Variants in IGFBP5 observed in about 807,000 individuals in gnomAD.
IGFBP5 encodes the protein insulin-like growth factor-binding protein 5.
A neutral mutation model predicts 28.0 loss-of-function variants in IGFBP5; 12 were observed. The observed-to-expected ratio is 0.43, with a 90% CI of 0.27 to 0.69. IGFBP5 has a LOEUF of 0.69. Among genes scored for constraint, IGFBP5 ranks in the 30% least tolerant of loss-of-function variants. The pLI is 0.20. For missense variants in IGFBP5, 344 were observed against 381.6 expected, an observed-to-expected ratio of 0.90 and a Z score of 0.82; for synonymous variants, 152 against 150.2, an observed-to-expected ratio of 1.01 and a Z score of -0.09.
intron 1 of IGFBP5, among the ~76,000 whole-genome samples, chr2:216,685,647 G>T (rs1689025867): frequency 6.6e-6 from 1 of 152,224 alleles, no homozygotes; most frequent in Admixed American, 6.5e-5. Flanking sequence ...TTGAAAAAAT[G>T]TAAGACATGT....
rs970770754 is a variant in IGFBP5, at chr2:216,674,526, C to G, written c.*2225G>C. 1 of 152,300 alleles carries G rather than the reference C, an allele frequency of 6.6e-6. No individual in the cohort carries two copies. Among genetic ancestry groups the G allele is most frequent in the Non-Finnish European group, 1.5e-5 (1 of 68,088 alleles). 9.4% of individuals were successfully genotyped at this position (152,300 alleles called of 1,614,324 possible). ...CTATTCCTCTTCGTAGCCCCAAATTCGTTGTTGGAGGCGGTCTCCGCTGTG... is the reference window on the plus strand; with the variant it reads ...CTATTCCTCTTCGTAGCCCCAAATTGGTTGTTGGAGGCGGTCTCCGCTGTG... On this transcript the variant is annotated 3_prime_UTR_variant, in exon 4 of 4. Coordinates refer to ENST00000233813, the MANE Select transcript of IGFBP5 (RefSeq NM_000599.4). The surrounding 1 kb of genome is among the most constrained non-coding windows in gnomAD (Gnocchi z 4.4).
At chr2:216,677,011 C>T in intron 3 of IGFBP5, 129 bp from the exon 4 acceptor site, 1 of 968,440 alleles carries the variant, frequency 1.0e-6, no homozygotes, top group Non-Finnish European at 1.5e-6. Context: ...TAGACCCGAC[C>T]CTTGGGTTTC....
At chr2:216,685,490 A>G (rs1464746651) in intron 1 of IGFBP5, among the ~76,000 whole-genome samples, 1 of 152,090 alleles carries the variant, frequency 6.6e-6, no homozygotes, top group Non-Finnish European at 1.5e-5. Flanking sequence ...GTGCCTGGGT[A>G]TGGATGAAAA....
In IGFBP5 at chr2:216,694,221, G is replaced by A. The variant is rs925918647; in HGVS notation, c.337+218C>T. On this transcript the variant is annotated intron_variant, in intron 1 of 3. Coordinates refer to ENST00000233813, the MANE Select transcript of IGFBP5 (RefSeq NM_000599.4). The surrounding 1 kb of genome is among the most constrained non-coding windows in gnomAD (Gnocchi z 5.2). ...GCGGGCAACGTGTGGGTAGGAGGAAGGAGAAAGAGCGAAAGCTGGGATAGA... is the reference window on the plus strand; with the variant it reads ...GCGGGCAACGTGTGGGTAGGAGGAAAGAGAAAGAGCGAAAGCTGGGATAGA... 2.0e-5 allele frequency among the ~76,000 whole-genome samples: 3 copies of A among 152,064 alleles called. No homozygotes were observed. Among genetic ancestry groups the A allele is most frequent in the African/African-American group, 7.2e-5 (3 of 41,424 alleles).
Position 216,678,989 on chromosome 2 carries a change from C to T in IGFBP5, c.428G>A (p.Arg143His), listed in dbSNP as rs145995835. 3.8e-5 allele frequency: 61 copies of T among 1,614,076 alleles called. No homozygotes were observed. The South Asian group carries it at 4.1e-4, about 11-fold the overall frequency. ...TGCTTCAGCCTTCAGCTCGGAGATG[C>T]GGGTGTGTTTGGGCCGGAAGATCTT... is the stretch of plus-strand genomic sequence containing the variant. ...SPKIFRPKHTRISELKAEAVK... is the reference protein window; with the variant it reads ...SPKIFRPKHTHISELKAEAVK... Residue 143 changes from arginine (R) to histidine (H), a missense_variant, in exon 2 of 4, where the codon CGC (arginine) becomes CAC (histidine). Around this residue, in one of 3 missense-constraint regions of IGFBP5, gnomAD observed 304 missense variants for 329.2 expected, o/e 0.92. Coordinates refer to ENST00000233813, the MANE Select transcript of IGFBP5 (RefSeq NM_000599.4).
At chr2:216,680,588 C>T (rs1688967549) in intron 1 of IGFBP5, among the ~76,000 whole-genome samples, 1 of 152,186 alleles carries the variant, frequency 6.6e-6, no homozygotes, top group Non-Finnish European at 1.5e-5. Context: ...ATCTGTTTCT[C>T]TCTTGGCTCA....
intron 1 of IGFBP5, among the ~76,000 whole-genome samples, chr2:216,683,221 T>G (rs2106220626): frequency 6.6e-6 from 1 of 152,228 alleles, no homozygotes; most frequent in Admixed American, 6.5e-5. Flanking sequence ...CTCAGGAGGC[T>G]GAGACCGGAG....
intron 1 of IGFBP5, among the ~76,000 whole-genome samples, chr2:216,680,178 A>C (rs1353279995): frequency 6.6e-6 from 1 of 151,938 alleles, no homozygotes; most frequent in East Asian, 1.9e-4. Context: ...GACCAGATGC[A>C]GGGGTGAGTG....
rs1559189492 is a variant in IGFBP5, at chr2:216,692,457, A to T, written c.337+1982T>A. On this transcript the variant is annotated intron_variant, in intron 1 of 3. Transcript: ENST00000233813. This position sits in a 1 kb window ranked among gnomAD's most constrained non-coding sequence, Gnocchi z 4.2. ...GCGCGCGCGTGCGCTCTGCGTGTAC[A>T]CCCTTCACACTAGCCACATCACACT... Among the ~76,000 whole-genome samples the T allele has an allele frequency of 6.6e-6, 1 of 151,098 alleles. No individual in the cohort carries two copies. Among genetic ancestry groups the T allele is most frequent in the Non-Finnish European group, 1.5e-5 (1 of 67,838 alleles).
Position 216,694,709 on chromosome 2 carries a change from A to C in IGFBP5, c.67T>G (p.Ser23Ala). The C allele has an allele frequency of 5.4e-6, 8 of 1,489,318 alleles. No homozygotes were observed. Among genetic ancestry groups the C allele is most frequent in the Non-Finnish European group, 7.1e-6 (8 of 1,123,866 alleles). 92.3% of individuals were successfully genotyped at this position (1,489,318 alleles called of 1,614,324 possible). The stretch of plus-strand genomic sequence containing the variant: ...TCGCAGGGCTCGCAGTGCACGAAGG[A>C]GCCCAGGCTCTGGGCCGGCCCCGCA... ...AYAGPAQSLG[S>A]FVHCEPCDEK... is the part of the protein sequence containing the mutation. The change falls in exon 1 of 4, where the codon TCC (serine) becomes GCC (alanine). Residue 23 changes from serine to alanine, a missense_variant. By Grantham distance (99) the Ser-to-Ala change is moderately conservative. This residue lies in a region of IGFBP5 where 304 missense variants were observed against 329.2 expected (regional missense o/e 0.92). Transcript: ENST00000233813. The surrounding 1 kb of genome is among the most constrained non-coding windows in gnomAD (Gnocchi z 5.2).
At position 216,692,894 on chromosome 2, in the gene IGFBP5, G is replaced by C. The variant is rs1162550475; in HGVS notation, c.337+1545C>G. 6.6e-6 allele frequency among the ~76,000 whole-genome samples: 1 copy of C among 152,058 alleles called. No individual in the cohort carries two copies. On this transcript the variant is annotated intron_variant, in intron 1 of 3. Coordinates refer to ENST00000233813, the MANE Select transcript of IGFBP5 (RefSeq NM_000599.4). This position sits in a 1 kb window ranked among gnomAD's most constrained non-coding sequence, Gnocchi z 4.2. Reference sequence around the variant, plus strand: ...TGAGGCTGAACACAGGAAGCTCTCCGGCCTCCTGGCAAGCGCGGACGCACT... The same window carrying C: ...TGAGGCTGAACACAGGAAGCTCTCCCGCCTCCTGGCAAGCGCGGACGCACT...
chr2:216,686,811 C>T (rs1689039230), intron 1 of IGFBP5, among the ~76,000 whole-genome samples: 2 of 151,706 alleles, frequency 1.3e-5, no homozygotes, highest in South Asian at 4.2e-4. Flanking sequence ...GGACTAAAGG[C>T]ATGCAGCACC....
At chr2:216,693,939 A>T (rs946018938) in intron 1 of IGFBP5, among the ~76,000 whole-genome samples, 1 of 152,034 alleles carries the variant, frequency 6.6e-6, no homozygotes, top group African/African-American at 2.4e-5. Flanking sequence ...TGGAGGGGCC[A>T]AGAGGGACAA....
At chr2:216,685,270 CAAAAA>C (rs112350608) in intron 1 of IGFBP5, among the ~76,000 whole-genome samples, 13 of 87,294 alleles carry the variant, frequency 1.5e-4, no homozygotes, top group African/African-American at 4.5e-4. Flanking sequence ...AATAGTGTGA[CAAAAA>C]AAAAAAAAAA....
rs115277821 is a variant in IGFBP5 at position 216,692,586 on chromosome 2, G to A, written c.337+1853C>T. ...ACCCAGGGCGGTGGCTCCCAAGCCG[G>A]GAAATCAATTAATGTTTTCCTTCTC... is the stretch of plus-strand genomic sequence containing the variant. On this transcript the variant is annotated intron_variant, in intron 1 of 3. Transcript: ENST00000233813. The surrounding 1 kb of genome is among the most constrained non-coding windows in gnomAD (Gnocchi z 4.2). 1.7e-3 allele frequency among the ~76,000 whole-genome samples: 255 copies of A among 152,170 alleles called. 1 individual carries two copies. The highest frequency in any genetic ancestry group is 5.5e-3 in the African/African-American group (229 of 41,518).
chr2:216,682,924 G>A (rs1688994082), intron 1 of IGFBP5, among the ~76,000 whole-genome samples: 1 of 152,058 alleles, frequency 6.6e-6, no homozygotes, highest in Non-Finnish European at 1.5e-5. Context: ...TAGCCAGGAT[G>A]GTCTCGATCT....
intron 1 of IGFBP5, among the ~76,000 whole-genome samples, chr2:216,690,157 T>C (rs929565080): frequency 3.3e-5 from 5 of 152,234 alleles, no homozygotes; most frequent in African/African-American, 1.2e-4. Flanking sequence ...AGTCTTACTG[T>C]TTTGAATAAC....
rs1448340794 is a variant in IGFBP5, at chr2:216,679,244, C to A, written c.338-165G>T. The A allele has an allele frequency of 3.0e-6, 2 of 659,050 alleles. No individual in the cohort carries two copies. The highest frequency in any genetic ancestry group is 5.5e-6 in the Non-Finnish European group (2 of 360,836). 40.8% of individuals were successfully genotyped at this position (659,050 alleles called of 1,614,324 possible). On this transcript the variant is annotated intron_variant, in intron 1 of 3. Coordinates refer to ENST00000233813, the MANE Select transcript of IGFBP5 (RefSeq NM_000599.4). This position sits in a 1 kb window ranked among gnomAD's most constrained non-coding sequence, Gnocchi z 4.6. The stretch of plus-strand genomic sequence containing the variant: ...AAGCAGGGGGATAAGAACCAGGAAG[C>A]AGAGGGAATGCTCATTTAAGTGGCA...
chr2:216,685,872 TTTTTTG>T (rs1052254677), intron 1 of IGFBP5, among the ~76,000 whole-genome samples: 2 of 152,326 alleles, frequency 1.3e-5, no homozygotes, highest in Admixed American at 6.5e-5. Flanking sequence ...GAAGACATTT[TTTTTTG>T]TTTTTGTTTT....
Sources: gnomAD v4.1 joint callset for allele counts (sites outside exome capture counted in the v4.1 genomes callset) on GRCh38, gnomAD v4.1.1 for gene constraint, gnomAD v4.1.1 regional missense constraint, Gnocchi (gnomAD v3.1) non-coding constraint, MANE v1.5 for transcripts, NCBI Gene and HGNC (gene_info 2026-07-23, HGNC 2026-07-21) for gene names.